Variants in SEC14L1 observed in about 807,000 individuals in gnomAD.
The protein encoded by SEC14L1 is SEC14 like lipid binding 1, also known as SEC14-like protein 1.
SEC14L1 carries 48 observed loss-of-function variants against 85.3 expected under a neutral mutation model. That is an observed-to-expected ratio of 0.56 (90% confidence interval 0.45 to 0.72). SEC14L1 has a LOEUF of 0.72. Among genes scored for constraint, SEC14L1 ranks in the 30% least tolerant of loss-of-function variants. SEC14L1 has a pLI of 0.00. For synonymous variants in SEC14L1, 391 were observed against 355.5 expected (o/e 1.10, Z -1.12); for missense variants, 682 against 921.4 (o/e 0.74, Z 3.36).
At position 77,194,928 on chromosome 17, in the gene SEC14L1, C is replaced by T. The variant is rs1975729694; in HGVS notation, c.709+17C>T. 4 of 1,586,958 alleles carry T rather than the reference C, an allele frequency of 2.5e-6. No homozygotes were observed. Among genetic ancestry groups the T allele is most frequent in the Admixed American group, 3.3e-5 (2 of 59,866 alleles). ...CCCCTGACGGTGGGTCTGGCAGGGG[C>T]TTCATCCCGAGAGCAAGGCTAGGGA... On this transcript the variant is annotated intron_variant, in intron 7 of 16. Coordinates refer to ENST00000436233, the MANE Select transcript of SEC14L1 (RefSeq NM_001143998.2).
In SEC14L1 at chr17:77,213,526, A is replaced by G. The variant is rs745359290; in HGVS notation, c.2042+34A>G. On this transcript the variant is annotated intron_variant, in intron 16 of 16. Transcript: ENST00000436233. The surrounding 1 kb of genome is among the most constrained non-coding windows in gnomAD (Gnocchi z 7.1). The stretch of plus-strand genomic sequence containing the variant: ...ACCCTCGCCACAGCAGGTGCTGCGG[A>G]CAGCTGGGCATGGTTGGAGGGAGCC... The G allele has an allele frequency of 6.2e-7, 1 of 1,600,342 alleles. No homozygotes were observed. Among genetic ancestry groups the G allele is most frequent in the South Asian group, 1.1e-5 (1 of 90,924 alleles).
intron 3 of SEC14L1, among the ~76,000 whole-genome samples, chr17:77,146,777 A>G (rs1973331076): frequency 6.6e-6 from 1 of 152,192 alleles, no homozygotes; most frequent in Non-Finnish European, 1.5e-5. Context: ...AAACATTTTT[A>G]AATCCGAAAA....
intron 3 of SEC14L1, among the ~76,000 whole-genome samples, chr17:77,098,332 C>A (rs1971695914): frequency 6.6e-6 from 1 of 152,044 alleles, no homozygotes; most frequent in Non-Finnish European, 1.5e-5. Flanking sequence ...AACCCCATCT[C>A]TACTAAAAAT....
intron 3 of SEC14L1, among the ~76,000 whole-genome samples, chr17:77,151,550 A>C (rs1327359346): frequency 3.3e-5 from 5 of 151,870 alleles, no homozygotes; most frequent in African/African-American, 1.2e-4. Context: ...AGCAGAAATA[A>C]GATGTATCAG....
intron 3 of SEC14L1, chr17:77,127,723 CT>C (rs1169318869): frequency 3.9e-5 from 6 of 152,168 alleles, no homozygotes; most frequent in Non-Finnish European, 7.3e-5. Context: ...GTCCTAACCC[CT>C]GGTACCTGTG....
upstream of SEC14L1, among the ~76,000 whole-genome samples, chr17:77,138,423 C>T (rs955196209): frequency 4.0e-5 from 6 of 151,842 alleles, no homozygotes; most frequent in South Asian, 2.1e-4. Flanking sequence ...AGTTTGAGAC[C>T]GGCCTGACCA....
Position 77,192,832 on chromosome 17 carries a change from T to A in SEC14L1, c.346-589T>A, listed in dbSNP as rs535543054. Among the ~76,000 whole-genome samples the A allele has an allele frequency of 2.6e-5, 4 of 152,222 alleles. No individual in the cohort carries two copies. The East Asian group carries it at 7.7e-4, about 29-fold the overall frequency. On this transcript the variant is annotated intron_variant, in intron 5 of 16. Coordinates refer to ENST00000436233, the MANE Select transcript of SEC14L1 (RefSeq NM_001143998.2). ...CATGCCACCGTGCCTGGCTAGTTTT[T>A]AAATTTTTTTGTAGGGATGAGGTCT... is the stretch of plus-strand genomic sequence containing the variant.
chr17:77,190,757 G>T, intron 3 of SEC14L1, 46 bp from the exon 4 acceptor site: 3 of 1,606,682 alleles, frequency 1.9e-6, no homozygotes, highest in South Asian at 1.1e-5. Flanking sequence ...AGGACATCAG[G>T]TTGTGTCTTT....
At chr17:77,094,481 C>G (rs1971591924) in intron 3 of SEC14L1, 1 of 149,200 alleles carries the variant, frequency 6.7e-6, no homozygotes, top group South Asian at 2.3e-4. Flanking sequence ...TGTTTTTTGT[C>G]TTTGCGATGG....
chr17:77,116,894 A>G (rs1972182077), intron 3 of SEC14L1, among the ~76,000 whole-genome samples: 1 of 152,136 alleles, frequency 6.6e-6, no homozygotes, highest in Admixed American at 6.5e-5. Flanking sequence ...GGCTGGGGCC[A>G]TGGGTGGGAG....
Position 77,206,344 on chromosome 17 carries a change from C to T in SEC14L1, c.1285C>T (p.Leu429=). 6.2e-7 allele frequency: 1 copy of T among 1,614,172 alleles called. No individual in the cohort carries two copies. ...GGTGGAGGCCAACTACCCTGAGACA[C>T]TGGGCCGCCTTCTCATCCTGCGGGC... is the stretch of plus-strand genomic sequence containing the variant. The part of the protein sequence containing the change: ...EVVEANYPET[L]GRLLILRAPR... Residue 429 remains leucine (L), a synonymous_variant, in exon 12 of 17, where the codon CTG becomes TTG. Transcript: ENST00000436233. This position sits in a 1 kb window ranked among gnomAD's most constrained non-coding sequence, Gnocchi z 4.3.
intron 3 of SEC14L1, among the ~76,000 whole-genome samples, chr17:77,125,400 T>A (rs1261407640): frequency 6.6e-6 from 1 of 151,980 alleles, no homozygotes; most frequent in East Asian, 1.9e-4. Flanking sequence ...TTCTAAAATT[T>A]TAGCTTAGTC....
At chr17:77,151,961 C>T (rs796165433) in intron 3 of SEC14L1, among the ~76,000 whole-genome samples, 22 of 152,292 alleles carry the variant, frequency 1.4e-4, no homozygotes, top group African/African-American at 4.8e-4. Context: ...GTGTACATCT[C>T]TAACCTTTTG....
At chr17:77,184,810 T>C (rs1407941539) in intron 3 of SEC14L1, among the ~76,000 whole-genome samples, 1 of 152,260 alleles carries the variant, frequency 6.6e-6, no homozygotes, top group East Asian at 1.9e-4. Flanking sequence ...AGTACATAGA[T>C]TGATGTTTTT....
At position 77,199,005 on chromosome 17, in the gene SEC14L1, C is replaced by CGT. The variant is rs1555627567; in HGVS notation, c.820-1479_820-1478insGT. 5.6e-4 allele frequency: 75 copies of CGT among 133,938 alleles called. 2 individuals are homozygous for CGT. Among genetic ancestry groups the CGT allele is most frequent in the South Asian group, 9.4e-4 (4 of 4,270 alleles). The allele number at this position is 133,938 out of a possible 1,614,324, so 8.3% of individuals were successfully genotyped here. A position where few individuals can be genotyped will look rare whatever the true frequency, so the allele number is the denominator to read the frequency against. ...CAAGTCTGCCCTTGCCGTCTTCTTT[C>CGT]TTTTTTTTTTTTTTTTTGAGATGGA... is the stretch of plus-strand genomic sequence containing the variant. On this transcript the variant is annotated intron_variant, in intron 8 of 16. Coordinates refer to ENST00000436233, the MANE Select transcript of SEC14L1 (RefSeq NM_001143998.2).
intron 3 of SEC14L1, among the ~76,000 whole-genome samples, chr17:77,186,278 G>C (rs1465505301): frequency 6.6e-6 from 1 of 152,184 alleles, no homozygotes; most frequent in African/African-American, 2.4e-5. Flanking sequence ...CCTGGGGGCT[G>C]TGGGTCCTGC....
At position 77,115,800 on chromosome 17, in the gene SEC14L1, C is replaced by G. The variant is rs1972158492; in HGVS notation, c.-136+22453C>G. 2.0e-5 allele frequency among the ~76,000 whole-genome samples: 3 copies of G among 152,102 alleles called. No individual in the cohort carries two copies. In the South Asian group the frequency reaches 6.2e-4, roughly 31 times the overall value. On this transcript the variant is annotated intron_variant, in intron 3 of 19. Coordinates refer to the SEC14L1 transcript ENST00000392476. ...CGTGGGAGCTGTTTTCCAAGTATCT[C>G]AGAATACTTGGCAGGATGAAGCAAG...
chr17:77,106,523 C>CT (rs1392806812), intron 3 of SEC14L1, among the ~76,000 whole-genome samples: 51 of 151,982 alleles, frequency 3.4e-4, no homozygotes, highest in African/African-American at 1.2e-3. Context: ...CAGAGTGAGA[C>CT]TTTATCTCAA....
At chr17:77,163,280 C>T (rs1424464571) in intron 3 of SEC14L1, among the ~76,000 whole-genome samples, 5 of 152,116 alleles carry the variant, frequency 3.3e-5, no homozygotes, top group South Asian at 4.1e-4. Context: ...GGACACAGAG[C>T]GTCTGCCCCG....
Sources: allele counts gnomAD v4.1 joint callset (sites outside exome capture counted in the v4.1 genomes callset), GRCh38; gene constraint gnomAD v4.1.1; non-coding constraint Gnocchi (gnomAD v3.1); transcripts MANE v1.5; gene names NCBI Gene and HGNC (gene_info 2026-07-23, HGNC 2026-07-21).